COL22A1: variants seen among roughly 807,000 people sequenced by gnomAD.
COL22A1 encodes collagen type XXII alpha 1 chain.
A neutral mutation model predicts 248.9 loss-of-function variants in COL22A1; 221 were observed. The ratio of observed to expected loss-of-function variants is 0.89; its 90% CI spans 0.80 to 0.99. The LOEUF (loss-of-function observed/expected upper bound fraction) is 0.99. Ranked by LOEUF, COL22A1 falls within the 50% of genes least tolerant of loss-of-function variation. COL22A1 has a pLI of 0.00. For synonymous variants in COL22A1, 891 were observed against 793.4 expected (o/e 1.12, Z -2.07); for missense variants, 2,240 against 2,179.0 (o/e 1.03, Z -0.56).
At chr8:138,801,632 C>T (rs1352026979) in intron 11 of COL22A1, among the ~76,000 whole-genome samples, 1 of 152,124 alleles carries the variant, frequency 6.6e-6, no homozygotes, top group African/African-American at 2.4e-5. Context: ...TGAGGCTTTA[C>T]CCCAGCAATT....
intron 7 of COL22A1, among the ~76,000 whole-genome samples, chr8:138,814,100 C>A (rs1446216280): frequency 6.6e-6 from 1 of 152,250 alleles, no homozygotes; most frequent in African/African-American, 2.4e-5. Context: ...TCGTGGGACA[C>A]CCCACCTGCC....
chr8:138,631,194 ACCTC>A (rs1820693760), intron 49 of COL22A1, among the ~76,000 whole-genome samples: 1 of 152,040 alleles, frequency 6.6e-6, no homozygotes, highest in Non-Finnish European at 1.5e-5. Flanking sequence ...AAATTATTCA[ACCTC>A]AGGTATTTCT....
chr8:138,696,718 T>A (rs560902993), intron 32 of COL22A1, among the ~76,000 whole-genome samples: 1 of 152,160 alleles, frequency 6.6e-6, no homozygotes, highest in Non-Finnish European at 1.5e-5. Flanking sequence ...TTCAGTGAGA[T>A]TGCGTTTGCA....
intron 43 of COL22A1, among the ~76,000 whole-genome samples, chr8:138,660,979 C>CAG (rs1554736320): frequency 0.027 from 3,723 of 137,760 alleles, 183 homozygotes; most frequent in African/African-American, 0.098. Flanking sequence ...CACACATACA[C>CAG]ACACACATAC....
Position 138,883,151 on chromosome 8 carries a change from C to A in COL22A1, c.22G>T (p.Ala8Ser). 6.3e-7 allele frequency: 1 copy of A among 1,596,684 alleles called. No homozygotes were observed. The highest frequency in any genetic ancestry group is 8.5e-7 in the Non-Finnish European group (1 of 1,172,002). MAGLRGN[A>S]VAGLLWMLLL... ...AGCATCCAGAGGAGGCCAGCCACAG[C>A]GTTCCCTCGGAGGCCGGCCATGGCT... Residue 8 changes from alanine (A) to serine (S), a missense_variant, in exon 2 of 65, where the codon GCT becomes TCT. Coordinates refer to ENST00000303045, the MANE Select transcript of COL22A1 (RefSeq NM_152888.3).
chr8:138,742,987 G>A (rs1377252971), intron 22 of COL22A1, among the ~76,000 whole-genome samples: 1 of 151,558 alleles, frequency 6.6e-6, no homozygotes, highest in Non-Finnish European at 1.5e-5. Context: ...TGATTATGAT[G>A]GTGGAGTTGA....
At chr8:138,710,377 C>G (rs1365169057) in intron 30 of COL22A1, among the ~76,000 whole-genome samples, 1 of 152,140 alleles carries the variant, frequency 6.6e-6, no homozygotes, top group African/African-American at 2.4e-5. Flanking sequence ...CTCTTGCAAG[C>G]CTTCCAAATA....
At chr8:138,849,257 G>A (rs1392486519) in intron 3 of COL22A1, among the ~76,000 whole-genome samples, 2 of 152,230 alleles carry the variant, frequency 1.3e-5, no homozygotes, top group Non-Finnish European at 2.9e-5. Context: ...CCTCTTGGCT[G>A]CTCTGCTGGA....
chr8:138,895,566 C>G (rs947319431), intron 1 of COL22A1, among the ~76,000 whole-genome samples: 2 of 151,966 alleles, frequency 1.3e-5, no homozygotes, highest in African/African-American at 4.8e-5. Flanking sequence ...AGACAACTGA[C>G]TAAAAAATCA....
At chr8:138,614,922 G>T (rs1707330558) in intron 55 of COL22A1, among the ~76,000 whole-genome samples, 1 of 152,212 alleles carries the variant, frequency 6.6e-6, no homozygotes, top group Admixed American at 6.5e-5. Context: ...AGCCACTGGG[G>T]AAGAGTCCAC....
intron 4 of COL22A1, 30 bp downstream of exon 4, chr8:138,844,054 A>C: frequency 6.3e-7 from 1 of 1,599,074 alleles, no homozygotes; most frequent in Non-Finnish European, 8.6e-7. Flanking sequence ...ACACCAAAGC[A>C]AGCACACGTG....
Position 138,843,577 on chromosome 8 carries a change from C to T in COL22A1, c.733+507G>A, listed in dbSNP as rs146486978. On this transcript the variant is annotated intron_variant, in intron 4 of 64. Coordinates refer to ENST00000303045, the MANE Select transcript of COL22A1 (RefSeq NM_152888.3). Reference sequence around the variant, plus strand: ...GTGGGGAACCACCTCGGCCATACCCCGCACCCTCGCAGCCTTCTATTCTGT... The same window carrying T: ...GTGGGGAACCACCTCGGCCATACCCTGCACCCTCGCAGCCTTCTATTCTGT... Among the ~76,000 whole-genome samples, 812 of 152,262 alleles carry T rather than the reference C, an allele frequency of 5.3e-3. 8 individuals carry two copies. The highest frequency in any genetic ancestry group is 0.01 in the Middle Eastern group (3 of 294).
chr8:138,714,190 G>A (rs2131079618), intron 30 of COL22A1, among the ~76,000 whole-genome samples: 1 of 152,276 alleles, frequency 6.6e-6, no homozygotes, highest in Non-Finnish European at 1.5e-5. Flanking sequence ...CTGTGGGCTG[G>A]GCTGGCCATG....
At chr8:138,677,824 C>A (rs1288880057) in intron 40 of COL22A1, among the ~76,000 whole-genome samples, 2 of 152,348 alleles carry the variant, frequency 1.3e-5, no homozygotes, top group East Asian at 3.9e-4. Context: ...ATTCAGCCAG[C>A]TGAACCACAG....
At chr8:138,765,337 C>G (rs1450318963) in intron 16 of COL22A1, among the ~76,000 whole-genome samples, 1 of 152,174 alleles carries the variant, frequency 6.6e-6, no homozygotes, top group Non-Finnish European at 1.5e-5. Flanking sequence ...CACCCTCTAC[C>G]TCTAGATGAG....
At chr8:138,887,655 T>C (rs983809555) in intron 1 of COL22A1, among the ~76,000 whole-genome samples, 3 of 152,312 alleles carry the variant, frequency 2.0e-5, no homozygotes, top group Non-Finnish European at 2.9e-5. Context: ...CTTTGGGACA[T>C]TTAGTAGGTC....
In COL22A1 at chr8:138,589,114, TAAAAC is replaced by T. The variant is rs1816819313; in HGVS notation, c.*134_*138del. 2 of 794,930 alleles carry T rather than the reference TAAAAC, an allele frequency of 2.5e-6. No individual in the cohort carries two copies. The highest frequency in any genetic ancestry group is 3.0e-5 in the East Asian group (1 of 33,830). The allele number at this position is 794,930 out of a possible 1,614,324, so 49.2% of individuals were successfully genotyped here. On this transcript the variant is annotated 3_prime_UTR_variant, in exon 65 of 65. Coordinates refer to ENST00000303045, the MANE Select transcript of COL22A1 (RefSeq NM_152888.3). ...ATAATTTTGAGGTCTCTCAAGAAAA[TAAAAC>T]AAAAAGCAAACGATAAAAGAAAGAA...
At chr8:138,743,885 C>G (rs1285825126) in intron 22 of COL22A1, among the ~76,000 whole-genome samples, 1 of 152,138 alleles carries the variant, frequency 6.6e-6, no homozygotes, top group Admixed American at 6.5e-5. Context: ...GCAATTCTCT[C>G]CCAGCCAGGA....
intron 9 of COL22A1, 47 bp downstream of exon 9, chr8:138,811,752 C>A (rs377437582): frequency 1.9e-6 from 3 of 1,611,378 alleles, no homozygotes; most frequent in Non-Finnish European, 2.5e-6. Context: ...ACTCCCACTG[C>A]ACCACCCAGG....
Sources: gnomAD v4.1 joint callset for allele counts (sites outside exome capture counted in the v4.1 genomes callset) on GRCh38, gnomAD v4.1.1 for gene constraint, MANE v1.5 for transcripts, NCBI Gene and HGNC (gene_info 2026-07-23, HGNC 2026-07-21) for gene names.